The following CSNK1E variants were observed in gnomAD, a reference collection of about 807,000 sequenced individuals.
CSNK1E encodes casein kinase I isoform epsilon.
CSNK1E carries 17 observed loss-of-function variants against 46.1 expected under a neutral mutation model. The observed-to-expected ratio is 0.37, with a 90% CI of 0.25 to 0.55. The LOEUF is 0.55. Ranked by LOEUF, CSNK1E falls within the 20% of genes least tolerant of loss-of-function variation. The probability of loss-of-function intolerance (pLI) is 0.82; values close to 1 mark genes in which losing one functional copy is unlikely to be tolerated. For synonymous variants in CSNK1E, 241 were observed against 242.6 expected, an observed-to-expected ratio of 0.99 and a Z score of 0.06; for missense variants, 386 against 595.4, an observed-to-expected ratio of 0.65 and a Z score of 3.66.
chr22:38,297,020 C>T (rs1371423336), intron 7 of CSNK1E: 5 of 704,016 alleles, frequency 7.1e-6, no homozygotes, highest in African/African-American at 1.7e-5. Context: ...GTCATCCGCC[C>T]TCTATGGCCT....
intron 10 of CSNK1E, 104 bp downstream of exon 10, chr22:38,293,150 CT>C (rs1555906855): frequency 1.1e-6 from 1 of 920,048 alleles, no homozygotes; most frequent in Non-Finnish European, 1.8e-6. Flanking sequence ...CCATCTGCCA[CT>C]GCCACTGCCA....
intron 2 of CSNK1E, among the ~76,000 whole-genome samples, chr22:38,311,353 T>C (rs2092720102): frequency 6.6e-6 from 1 of 152,176 alleles, no homozygotes; most frequent in South Asian, 2.1e-4. Flanking sequence ...AGTAAATCTG[T>C]ACTTAGTTTT....
intron 2 of CSNK1E, among the ~76,000 whole-genome samples, chr22:38,305,141 A>T (rs1223266840): frequency 6.7e-6 from 1 of 150,102 alleles, no homozygotes; most frequent in African/African-American, 2.5e-5. Flanking sequence ...AAAAAAAAAA[A>T]AAAAAAGAAG....
At chr22:38,293,106 C>T in intron 10 of CSNK1E, 149 bp downstream of exon 10, 2 of 699,480 alleles carry the variant, frequency 2.9e-6, no homozygotes, top group Non-Finnish European at 5.1e-6. Flanking sequence ...TTTTAAACTA[C>T]TTGAGGCCCC....
In CSNK1E at chr22:38,294,480, C is replaced by T; in HGVS notation, c.940G>A (p.Glu314Lys). The change falls in exon 8 of 11, where the codon GAG becomes AAG. Residue 314 changes from glutamate (E) to lysine (K), a missense_variant. Physicochemically the swap from Glu to Lys is moderately conservative, Grantham distance 56 (BLOSUM62 1). Transcript: ENST00000396832. The surrounding 1 kb of genome is among the most constrained non-coding windows in gnomAD (Gnocchi z 5.5). ...CCCCGTAGCTGCCCCATCCTCTCCT[C>T]GCGTTCGTGTTCTCGCCGCTCCCGG... ...VDRERREHER[E>K]ERMGQLRGSA... is the part of the protein sequence containing the mutation. The T allele has an allele frequency of 6.3e-7, 1 of 1,593,582 alleles. No individual in the cohort carries two copies.
chr22:38,301,194 T>TA (rs1023502539), intron 4 of CSNK1E, among the ~76,000 whole-genome samples: 16 of 152,178 alleles, frequency 1.1e-4, no homozygotes, highest in African/African-American at 3.4e-4. Flanking sequence ...GCAGGAAAGC[T>TA]AATGGGAAGA....
intron 7 of CSNK1E, chr22:38,297,264 A>C (rs1003153780): frequency 5.5e-5 from 37 of 671,678 alleles, no homozygotes; most frequent in South Asian, 5.4e-4. Flanking sequence ...CCAGTGCCCA[A>C]TGCCCTGTGG....
intron 4 of CSNK1E, among the ~76,000 whole-genome samples, chr22:38,301,936 A>G (rs913274858): frequency 1.4e-4 from 22 of 152,180 alleles, no homozygotes; most frequent in African/African-American, 5.1e-4. Context: ...AGATCTCCAC[A>G]TTCCATTCCA....
intron 2 of CSNK1E, among the ~76,000 whole-genome samples, chr22:38,311,808 CTTTTT>C (rs71296618): frequency 7.1e-6 from 1 of 140,298 alleles, no homozygotes. Flanking sequence ...TTCTTTCCTT[CTTTTT>C]TTTTTTTTTT....
chr22:38,305,297 T>C (rs2092693322), intron 2 of CSNK1E, among the ~76,000 whole-genome samples: 1 of 152,074 alleles, frequency 6.6e-6, no homozygotes, highest in Non-Finnish European at 1.5e-5. Flanking sequence ...AGGTATTCTA[T>C]ACGTATTCTT....
At chr22:38,316,386 CCTT>C (rs1314748511) in intron 1 of CSNK1E, among the ~76,000 whole-genome samples, 1 of 152,188 alleles carries the variant, frequency 6.6e-6, no homozygotes, top group African/African-American at 2.4e-5. Context: ...CTCTCCAAAT[CCTT>C]CTCCAGGAAG....
intron 2 of CSNK1E, among the ~76,000 whole-genome samples, chr22:38,311,673 G>A (rs1484561878): frequency 6.6e-6 from 1 of 152,148 alleles, no homozygotes; most frequent in African/African-American, 2.4e-5. Flanking sequence ...TAAGGAGCTG[G>A]GTACACTCAT....
chr22:38,313,535 C>G (rs568841624), intron 2 of CSNK1E, among the ~76,000 whole-genome samples: 17 of 152,212 alleles, frequency 1.1e-4, no homozygotes, highest in Non-Finnish European at 2.4e-4. Context: ...ATACTTTCAA[C>G]AGGAAGCACA....
At chr22:38,299,701 G>C (rs2092660723) in intron 6 of CSNK1E, among the ~76,000 whole-genome samples, 194 bp downstream of exon 6, 1 of 152,192 alleles carries the variant, frequency 6.6e-6, no homozygotes, top group Non-Finnish European at 1.5e-5. Flanking sequence ...GTAGAGACAG[G>C]GTTTCACCAT....
intron 10 of CSNK1E, chr22:38,292,873 C>T (rs749464464): frequency 6.0e-5 from 15 of 249,260 alleles, no homozygotes; most frequent in South Asian, 8.8e-5. Context: ...AATTAACTTG[C>T]GTAACAGCCC....
rs1321339307 is a variant in CSNK1E, at chr22:38,291,867, T to C, written c.*104A>G. On this transcript the variant is annotated 3_prime_UTR_variant, in exon 11 of 11. Transcript: ENST00000396832. ...GTCGGTTTTGTGCTGGGTTTTTTTG[T>C]TGTTCTTTTGAGTGGTTTATTTTTG... 1 of 151,618 alleles carries C rather than the reference T, an allele frequency of 6.6e-6. No individual in the cohort carries two copies. Among genetic ancestry groups the C allele is most frequent in the Non-Finnish European group, 1.5e-5 (1 of 67,914 alleles). 9.4% of individuals were successfully genotyped at this position (151,618 alleles called of 1,614,324 possible).
chr22:38,302,150 G>A (rs1270143325), intron 4 of CSNK1E, among the ~76,000 whole-genome samples: 1 of 152,228 alleles, frequency 6.6e-6, no homozygotes, highest in Non-Finnish European at 1.5e-5. Context: ...GTTCACCTAC[G>A]GTCACTGGTC....
At chr22:38,302,660 G>T (rs1341037918) in intron 4 of CSNK1E, among the ~76,000 whole-genome samples, 5 of 152,194 alleles carry the variant, frequency 3.3e-5, no homozygotes, top group Non-Finnish European at 7.3e-5. Context: ...GCAACGAGCT[G>T]AGATCGCACC....
chr22:38,301,049 G>A (rs1024785904), intron 4 of CSNK1E, 97 bp from the exon 5 acceptor site: 5 of 999,598 alleles, frequency 5.0e-6, no homozygotes, highest in African/African-American at 3.2e-5. Flanking sequence ...AAGGCAGAGG[G>A]AGAAAGGCCT....
Sources: gnomAD v4.1 joint callset for allele counts (sites outside exome capture counted in the v4.1 genomes callset) on GRCh38, gnomAD v4.1.1 for gene constraint, Gnocchi (gnomAD v3.1) non-coding constraint, MANE v1.5 for transcripts, NCBI Gene and HGNC (gene_info 2026-07-23, HGNC 2026-07-21) for gene names.